The following RNLS variants were observed in gnomAD, a reference collection of about 807,000 sequenced individuals.
RNLS encodes the protein renalase.
RNLS carries 39 observed loss-of-function variants against 39.8 expected under a neutral mutation model. The ratio of observed to expected loss-of-function variants is 0.98; its 90% CI spans 0.76 to 1.28. The LOEUF is 1.28. Ranked by LOEUF, RNLS falls within the 50% of genes most tolerant of loss-of-function variation. The pLI, the probability that RNLS is intolerant of heterozygous loss-of-function variation, is 0.00. For synonymous variants in RNLS, 147 were observed against 150.7 expected (o/e 0.98, Z 0.18); for missense variants, 410 against 413.3 (o/e 0.99, Z 0.07).
chr10:88,341,329 C>CAA (rs755002114), intron 5 of RNLS, among the ~76,000 whole-genome samples: 184 of 50,346 alleles, frequency 3.7e-3, no homozygotes, highest in East Asian at 7.4e-3. Flanking sequence ...AACTCCATCT[C>CAA]AAAAAAAAAA....
chr10:88,266,803 GCATGTA>G, the RNLS span, among the ~76,000 whole-genome samples: 1 of 151,184 alleles, frequency 6.6e-6, no homozygotes, highest in Non-Finnish European at 1.5e-5. Context: ...ATGGCTGCCA[GCATGTA>G]CATCACTCAG....
chr10:88,449,235 T>C (rs1842225594), intron 4 of RNLS, among the ~76,000 whole-genome samples: 1 of 152,254 alleles, frequency 6.6e-6, no homozygotes, highest in Non-Finnish European at 1.5e-5. Flanking sequence ...ATTTATTGAA[T>C]ACTAATCTCA....
chr10:88,442,132 T>A (rs1230057088), intron 4 of RNLS, among the ~76,000 whole-genome samples: 1 of 152,230 alleles, frequency 6.6e-6, no homozygotes, highest in African/African-American at 2.4e-5. Flanking sequence ...AATCACATGA[T>A]ATATAAACAG....
chr10:88,515,891 T>A (rs1846379698), intron 4 of RNLS, among the ~76,000 whole-genome samples: 1 of 152,022 alleles, frequency 6.6e-6, no homozygotes, highest in Non-Finnish European at 1.5e-5. Flanking sequence ...TATTAGGAGA[T>A]AGAGCATTTA....
intron 3 of RNLS, among the ~76,000 whole-genome samples, chr10:88,574,684 A>G (rs1034600749): frequency 6.6e-6 from 1 of 152,208 alleles, no homozygotes; most frequent in African/African-American, 2.4e-5. Flanking sequence ...AGCTAGCCCA[A>G]GAGATCAATC....
At chr10:88,425,647 A>T (rs1854702504) in intron 4 of RNLS, among the ~76,000 whole-genome samples, 1 of 152,152 alleles carries the variant, frequency 6.6e-6, no homozygotes. Context: ...CAAGGAATTT[A>T]AAATCTGTTT....
chr10:88,240,333 G>C, the RNLS span, among the ~76,000 whole-genome samples: 42 of 151,914 alleles, frequency 2.8e-4, 1 homozygote, highest in East Asian at 8.1e-3. Context: ...ACTAGCTTGG[G>C]CTTTAAAAGC....
At chr10:88,192,876 A>G in the RNLS span, among the ~76,000 whole-genome samples, 1 of 152,206 alleles carries the variant, frequency 6.6e-6, no homozygotes, top group Admixed American at 6.5e-5. Flanking sequence ...GATTGAGAGT[A>G]GTTTAGGTGG....
rs1353984163 is a variant in RNLS at position 88,573,021 on chromosome 10, G to A, written c.408C>T (p.Asn136=). ...ATACTTCCCATTTGTCATCTCTTAG[G>A]TTGATCTGTGTCACACGATGTCTGA... ...VYFRHRVTQI[N]LRDDKWEVSK... Residue 136 remains asparagine, a synonymous_variant, in exon 4 of 7, where the codon AAC becomes AAT. Transcript: ENST00000331772. 6.2e-7 allele frequency: 1 copy of A among 1,614,014 alleles called. No individual in the cohort carries two copies. The highest frequency in any genetic ancestry group is 8.5e-7 in the Non-Finnish European group (1 of 1,179,910).
chr10:88,506,052 C>T (rs959932028), intron 4 of RNLS, among the ~76,000 whole-genome samples: 10 of 152,138 alleles, frequency 6.6e-5, no homozygotes, highest in African/African-American at 2.4e-4. Flanking sequence ...AACAATCCCT[C>T]TAGATGGCTC....
chr10:88,496,919 T>A (rs150420500), intron 4 of RNLS, among the ~76,000 whole-genome samples: 11 of 152,168 alleles, frequency 7.2e-5, no homozygotes, highest in African/African-American at 2.6e-4. Flanking sequence ...AGTAGGGCAT[T>A]CTAAAAGGGA....
intron 4 of RNLS, among the ~76,000 whole-genome samples, chr10:88,380,992 A>AAAC (rs1361409347): frequency 1.3e-5 from 2 of 152,094 alleles, no homozygotes; most frequent in African/African-American, 4.8e-5. Flanking sequence ...CTGAACCATT[A>AAAC]AACTGTTTGA....
At position 88,493,858 on chromosome 10, in the gene RNLS, C is replaced by T. The variant is rs577170518; in HGVS notation, c.526+79045G>A. 2.3e-3 allele frequency among the ~76,000 whole-genome samples: 346 copies of T among 152,170 alleles called. 2 individuals are homozygous for T. Among genetic ancestry groups the T allele is most frequent in the African/African-American group, 7.5e-3 (310 of 41,522 alleles). On this transcript the variant is annotated intron_variant, in intron 4 of 6. Coordinates refer to ENST00000331772, the MANE Select transcript of RNLS (RefSeq NM_001031709.3). ...CAGTGGTGCTTTCTACCACTGCTGA[C>T]GACTGGGTTATAAAAACATTCCTGA... is the stretch of plus-strand genomic sequence containing the variant.
chr10:88,387,026 G>T (rs565976460), intron 4 of RNLS, among the ~76,000 whole-genome samples: 1 of 152,122 alleles, frequency 6.6e-6, no homozygotes, highest in African/African-American at 2.4e-5. Flanking sequence ...CACATAAACA[G>T]AACTAAATTT....
chr10:88,446,145 T>A (rs1842020889), intron 4 of RNLS, among the ~76,000 whole-genome samples: 1 of 152,082 alleles, frequency 6.6e-6, no homozygotes. Flanking sequence ...AAACTAGAAC[T>A]CAGGATTAAG....
At chr10:88,240,430 A>G in the RNLS span, among the ~76,000 whole-genome samples, 3 of 151,468 alleles carry the variant, frequency 2.0e-5, no homozygotes, top group African/African-American at 7.3e-5. Context: ...AAAAAAATTT[A>G]GGCTACTGGC....
chr10:88,254,437 G>A, the RNLS span, among the ~76,000 whole-genome samples: 2 of 152,346 alleles, frequency 1.3e-5, no homozygotes, highest in South Asian at 4.1e-4. Context: ...GAGTGGAGAA[G>A]TGGGTTTTCT....
At chr10:88,463,298 A>C (rs1339890686) in intron 4 of RNLS, among the ~76,000 whole-genome samples, 2 of 152,070 alleles carry the variant, frequency 1.3e-5, no homozygotes, top group East Asian at 3.8e-4. Flanking sequence ...TGCTATGTGA[A>C]GATAAATGCA....
chr10:88,464,949 A>C (rs983285920), intron 4 of RNLS, among the ~76,000 whole-genome samples: 17 of 152,216 alleles, frequency 1.1e-4, no homozygotes, highest in African/African-American at 3.9e-4. Context: ...TGGTGCCTAA[A>C]GGTGGTTCAA....
Sources: allele counts gnomAD v4.1 joint callset (sites outside exome capture counted in the v4.1 genomes callset), GRCh38; gene constraint gnomAD v4.1.1; transcripts MANE v1.5; gene names NCBI Gene and HGNC (gene_info 2026-07-23, HGNC 2026-07-21).